Variants in TPTE2 observed in about 807,000 individuals in gnomAD.
The protein encoded by TPTE2 is phosphatidylinositol 3,4,5-trisphosphate 3-phosphatase TPTE2.
In TPTE2, 53 loss-of-function variants were observed where a neutral mutation model predicts 78.6. The observed-to-expected ratio is 0.67, with a 90% CI of 0.54 to 0.85. The LOEUF (loss-of-function observed/expected upper bound fraction) is 0.85, where lower values mean the gene tolerates loss of function less well. TPTE2 is among the 40% of genes least tolerant of loss of function. The pLI, the probability that TPTE2 is intolerant of heterozygous loss-of-function variation, is 0.00. For synonymous variants in TPTE2, 175 were observed against 206.2 expected, an observed-to-expected ratio of 0.85 and a Z score of 1.30; for missense variants, 461 against 623.0, an observed-to-expected ratio of 0.74 and a Z score of 2.77.
the TPTE2 span, among the ~76,000 whole-genome samples, chr13:19,546,876 C>T: frequency 6.6e-6 from 1 of 151,274 alleles, no homozygotes; most frequent in South Asian, 2.1e-4. Context: ...GGAATGTCCC[C>T]AGAGCATAGA....
At chr13:19,450,642 CAAATGTAGCTGACCA>C (rs1462764982) in intron 11 of TPTE2, among the ~76,000 whole-genome samples, 1 of 152,076 alleles carries the variant, frequency 6.6e-6, no homozygotes, top group African/African-American at 2.4e-5. Flanking sequence ...ACACAAGAGG[CAAATGTAGCTGACCA>C]AAATGTTTGC....
intron 13 of TPTE2, among the ~76,000 whole-genome samples, chr13:19,441,030 T>C (rs1307096075): frequency 6.6e-6 from 1 of 150,448 alleles, no homozygotes; most frequent in Non-Finnish European, 1.5e-5. Flanking sequence ...GAGGTTGCAG[T>C]GAGCCAAGAC....
intron 15 of TPTE2, among the ~76,000 whole-genome samples, chr13:19,436,023 G>C (rs942404444): frequency 3.9e-5 from 6 of 152,116 alleles, no homozygotes; most frequent in Admixed American, 3.3e-4. Context: ...AGGATTCTCT[G>C]AGGAGAAGCC....
chr13:19,445,146 T>C (rs1183379120), intron 13 of TPTE2, among the ~76,000 whole-genome samples: 1 of 152,168 alleles, frequency 6.6e-6, no homozygotes, highest in Non-Finnish European at 1.5e-5. Context: ...AAGATACTCC[T>C]GAGAGACAGA....
At chr13:19,493,460 G>A (rs748696348) in exon 2 of TPTE2, 9 of 1,613,770 alleles carry the variant, frequency 5.6e-6, no homozygotes, top group Non-Finnish European at 7.6e-6. Context: ...TTCTTTCGCA[G>A]GTGCCTCCTC....
chr13:19,438,707 A>ATGCC (rs1397563672), intron 13 of TPTE2, among the ~76,000 whole-genome samples: 3 of 152,316 alleles, frequency 2.0e-5, no homozygotes, highest in Non-Finnish European at 2.9e-5. Context: ...GGCTTTTAGC[A>ATGCC]TGCCTCAGTC....
Position 19,478,487 on chromosome 13 carries a change from C to T in TPTE2, c.180-2864G>A, listed in dbSNP as rs1056741144. Among the ~76,000 whole-genome samples, 248 of 152,236 alleles carry T rather than the reference C, an allele frequency of 1.6e-3. 2 individuals are homozygous for T. The East Asian group carries it at 0.041, about 25-fold the overall frequency. On this transcript the variant is annotated intron_variant, in intron 4 of 19. Coordinates refer to ENST00000400230, the Ensembl canonical transcript of TPTE2. The stretch of plus-strand genomic sequence containing the variant: ...TACCATCTCACACCAGTTAGAATGG[C>T]GATAATTAAAAAGTCAAGAAACAAC...
At chr13:19,489,209 T>C (rs4270021) in intron 3 of TPTE2, among the ~76,000 whole-genome samples, 14,630 of 152,044 alleles carry the variant, frequency 0.096, 764 homozygotes, top group Middle Eastern at 0.2. Context: ...ATAACAGATA[T>C]GATAATAAAA....
chr13:19,504,035 C>T (rs1385171695), upstream of TPTE2, among the ~76,000 whole-genome samples: 8 of 152,056 alleles, frequency 5.3e-5, no homozygotes, highest in African/African-American at 7.2e-5. Context: ...CCACCACGCC[C>T]GGCCTCTATA....
intron 1 of TPTE2, among the ~76,000 whole-genome samples, chr13:19,515,092 C>A (rs1357094136): frequency 2.0e-5 from 3 of 152,140 alleles, no homozygotes; most frequent in Non-Finnish European, 2.9e-5. Flanking sequence ...CAGTATGTGG[C>A]AATATGAACA....
chr13:19,537,838 CAG>C (rs1871297386), upstream of TPTE2, among the ~76,000 whole-genome samples: 1 of 152,032 alleles, frequency 6.6e-6, no homozygotes, highest in Non-Finnish European at 1.5e-5. Flanking sequence ...CTCCTGACCT[CAG>C]GTGATCCACC....
chr13:19,511,549 A>C (rs1197434896), intron 1 of TPTE2, among the ~76,000 whole-genome samples: 6 of 152,172 alleles, frequency 3.9e-5, no homozygotes. Context: ...GAGCATACCA[A>C]ATGCAGAATA....
At chr13:19,473,664 C>A (rs1272566447) in intron 6 of TPTE2, among the ~76,000 whole-genome samples, 1 of 146,092 alleles carries the variant, frequency 6.8e-6, no homozygotes, top group Non-Finnish European at 1.5e-5. Flanking sequence ...GGCGTGATCT[C>A]AGCTCAACGC....
At chr13:19,467,607 T>C (rs1879346906) in intron 6 of TPTE2, among the ~76,000 whole-genome samples, 1 of 152,174 alleles carries the variant, frequency 6.6e-6, no homozygotes, top group South Asian at 2.1e-4. Context: ...GAGATATAAC[T>C]AAATGTGTAA....
At chr13:19,439,118 T>C (rs1048592487) in intron 13 of TPTE2, among the ~76,000 whole-genome samples, 2 of 152,160 alleles carry the variant, frequency 1.3e-5, no homozygotes, top group African/African-American at 4.8e-5. Context: ...ACCCATCTTG[T>C]GCCCCCAATC....
intron 1 of TPTE2, among the ~76,000 whole-genome samples, chr13:19,530,101 T>C (rs1870772486): frequency 6.6e-6 from 1 of 152,212 alleles, no homozygotes; most frequent in Admixed American, 6.5e-5. Context: ...CATACAATTA[T>C]TCTTAAAAGC....
At chr13:19,560,260 A>G in the TPTE2 span, 5 of 918,874 alleles carry the variant, frequency 5.4e-6, no homozygotes, top group East Asian at 1.2e-4. Flanking sequence ...GGCATCTTCG[A>G]TGGGCACAGA....
chr13:19,477,682 T>G (rs549771791), intron 4 of TPTE2, among the ~76,000 whole-genome samples: 9 of 152,348 alleles, frequency 5.9e-5, no homozygotes, highest in African/African-American at 2.2e-4. Context: ...TGACAGATTA[T>G]GAAGGCATGA....
intron 6 of TPTE2, among the ~76,000 whole-genome samples, chr13:19,471,822 T>A (rs1299269113): frequency 2.6e-5 from 4 of 152,220 alleles, no homozygotes; most frequent in Non-Finnish European, 1.5e-5. Context: ...ATCTTTCTGA[T>A]TGAAATACTC....
Sources: allele counts gnomAD v4.1 joint callset (sites outside exome capture counted in the v4.1 genomes callset), GRCh38; gene constraint gnomAD v4.1.1; transcripts MANE v1.5; gene names NCBI Gene and HGNC (gene_info 2026-07-23, HGNC 2026-07-21).